Variants in STK4 observed in about 807,000 individuals in gnomAD.
STK4 encodes the protein serine/threonine kinase 4, also known as serine/threonine-protein kinase 4.
STK4 carries 30 observed loss-of-function variants against 64.9 expected under a neutral mutation model. The ratio of observed to expected loss-of-function variants is 0.46; its 90% CI spans 0.35 to 0.63. The LOEUF is 0.63. STK4 is among the 20% of genes least tolerant of loss of function. The pLI is 0.01. For synonymous variants in STK4, 177 were observed against 199.0 expected, an observed-to-expected ratio of 0.89 and a Z score of 0.93; for missense variants, 466 against 598.5, an observed-to-expected ratio of 0.78 and a Z score of 2.31.
At chr20:45,020,343 AAATGTAGAAGGTATTTAGTG>A (rs1439883678) in intron 9 of STK4, among the ~76,000 whole-genome samples, 1 of 152,146 alleles carries the variant, frequency 6.6e-6, no homozygotes, top group Admixed American at 6.6e-5. Context: ...AGAAAGCCTG[AAATGTAGAAGGTATTTAGTG>A]AATGTTAGTT....
At chr20:45,034,522 T>A (rs2145406569) in intron 10 of STK4, among the ~76,000 whole-genome samples, 1 of 152,320 alleles carries the variant, frequency 6.6e-6, no homozygotes, top group Non-Finnish European at 1.5e-5. Flanking sequence ...ATATGCAAGA[T>A]ACTTTTGAAC....
At chr20:44,976,456 G>C (rs1414486713) in intron 2 of STK4, among the ~76,000 whole-genome samples, 2 of 152,206 alleles carry the variant, frequency 1.3e-5, no homozygotes, top group Admixed American at 1.3e-4. Flanking sequence ...TTACATTACA[G>C]TAGAATAGTA....
intron 10 of STK4, among the ~76,000 whole-genome samples, chr20:45,050,960 A>C (rs754585331): frequency 1.3e-5 from 2 of 152,204 alleles, no homozygotes; most frequent in African/African-American, 2.4e-5. Context: ...ATATTTTTCT[A>C]ACAACCAAGG....
At chr20:45,025,992 A>G (rs573088956) in intron 10 of STK4, among the ~76,000 whole-genome samples, 2 of 152,208 alleles carry the variant, frequency 1.3e-5, no homozygotes, top group Non-Finnish European at 2.9e-5. Flanking sequence ...CACAGTTTAT[A>G]CAACTAATGG....
chr20:45,010,438 A>G (rs1027870483), intron 9 of STK4, among the ~76,000 whole-genome samples: 2 of 152,228 alleles, frequency 1.3e-5, no homozygotes, highest in African/African-American at 2.4e-5. Context: ...AATAATAATT[A>G]TTAGTGATTA....
chr20:45,054,612 A>C (rs982652391), intron 10 of STK4, among the ~76,000 whole-genome samples: 2 of 143,292 alleles, frequency 1.4e-5, no homozygotes, highest in African/African-American at 5.2e-5. Context: ...TACAGACCCC[A>C]GAGTCAGACA....
At chr20:45,017,542 G>A (rs1353484990) in intron 9 of STK4, among the ~76,000 whole-genome samples, 3 of 152,120 alleles carry the variant, frequency 2.0e-5, no homozygotes, top group Admixed American at 6.5e-5. Context: ...AGCAGATGTG[G>A]GTGTTGACTG....
chr20:45,074,717 T>C (rs1980373808), intron 10 of STK4, among the ~76,000 whole-genome samples: 1 of 152,172 alleles, frequency 6.6e-6, no homozygotes, highest in African/African-American at 2.4e-5. Context: ...TATATTTAAT[T>C]AACTTAAAAG....
chr20:45,018,050 T>TA (rs1470713947), intron 9 of STK4, among the ~76,000 whole-genome samples: 1 of 152,190 alleles, frequency 6.6e-6, no homozygotes, highest in Non-Finnish European at 1.5e-5. Context: ...AATGAGCTGA[T>TA]ACATGTAAAG....
intron 10 of STK4, among the ~76,000 whole-genome samples, chr20:45,053,544 G>A (rs984384444): frequency 6.6e-6 from 1 of 152,180 alleles, no homozygotes; most frequent in East Asian, 1.9e-4. Context: ...CAGAAATGGA[G>A]CCTAAGAACT....
chr20:44,990,527 C>G (rs2067613226), intron 5 of STK4, among the ~76,000 whole-genome samples: 1 of 152,064 alleles, frequency 6.6e-6, no homozygotes, highest in Non-Finnish European at 1.5e-5. Flanking sequence ...GGTTGTGAAA[C>G]CTCCAGTACT....
chr20:45,035,478 C>G (rs1161173166), intron 10 of STK4, among the ~76,000 whole-genome samples: 1 of 152,018 alleles, frequency 6.6e-6, no homozygotes, highest in Non-Finnish European at 1.5e-5. Context: ...TTTCAGTATC[C>G]TTAGCTTTTA....
chr20:44,997,164 A>T lies in STK4; in HGVS notation c.694-5A>T. On this transcript the variant is annotated splice_polypyrimidine_tract_variant and splice_region_variant and intron_variant, in intron 6 of 10. Transcript: ENST00000372806. ...TCTTTTTGTTTGTTTGTTTGTTCTA[A>T]CCAGGCAATCTTCATGATTCCTACA... 6.2e-7 allele frequency: 1 copy of T among 1,613,562 alleles called. No homozygotes were observed. The highest frequency in any genetic ancestry group is 8.5e-7 in the Non-Finnish European group (1 of 1,179,622).
At chr20:45,016,797 AAG>A (rs1277493391) in intron 9 of STK4, among the ~76,000 whole-genome samples, 2 of 152,254 alleles carry the variant, frequency 1.3e-5, no homozygotes, top group East Asian at 3.8e-4. Context: ...TACATTTTTC[AAG>A]AGAGGGCAGT....
At chr20:45,067,936 T>G (rs2086611456) in intron 10 of STK4, among the ~76,000 whole-genome samples, 1 of 152,192 alleles carries the variant, frequency 6.6e-6, no homozygotes. Context: ...GTATGTGTCC[T>G]GTACCGTGTT....
chr20:44,992,863 T>A (rs774485401), intron 5 of STK4, among the ~76,000 whole-genome samples: 5 of 151,882 alleles, frequency 3.3e-5, no homozygotes, highest in Non-Finnish European at 7.4e-5. Flanking sequence ...CCCGGCTAAT[T>A]TTTTGTACTT....
At chr20:45,026,032 A>G (rs556673336) in intron 10 of STK4, among the ~76,000 whole-genome samples, 5 of 152,116 alleles carry the variant, frequency 3.3e-5, no homozygotes, top group African/African-American at 1.2e-4. Context: ...AGAATAACTC[A>G]TCTGAGGTAA....
At chr20:45,011,727 ATAT>A (rs1241527630) in intron 9 of STK4, among the ~76,000 whole-genome samples, 4 of 107,392 alleles carry the variant, frequency 3.7e-5, no homozygotes, top group African/African-American at 7.6e-5. Flanking sequence ...ATATATATAT[ATAT>A]TTTTTTTTTT....
At chr20:45,033,252 G>A (rs1337119884) in intron 10 of STK4, among the ~76,000 whole-genome samples, 1 of 152,080 alleles carries the variant, frequency 6.6e-6, no homozygotes, top group African/African-American at 2.4e-5. Context: ...AGTTTATTTT[G>A]CTGTTCAGAA....
Sources: gnomAD v4.1 joint callset for allele counts (sites outside exome capture counted in the v4.1 genomes callset) on GRCh38, gnomAD v4.1.1 for gene constraint, MANE v1.5 for transcripts, NCBI Gene and HGNC (gene_info 2026-07-23, HGNC 2026-07-21) for gene names.